GXYLT1: variants seen among roughly 807,000 people sequenced by gnomAD.
GXYLT1 encodes glucoside xylosyltransferase 1.
GXYLT1 carries 29 observed loss-of-function variants against 54.0 expected under a neutral mutation model. The ratio of observed to expected loss-of-function variants is 0.54; its 90% CI spans 0.40 to 0.73. The LOEUF (loss-of-function observed/expected upper bound fraction) is 0.73. GXYLT1 is among the 30% of genes least tolerant of loss of function. The pLI is 0.00. For synonymous variants in GXYLT1, 176 were observed against 204.1 expected, an observed-to-expected ratio of 0.86 and a Z score of 1.17; for missense variants, 490 against 553.4, an observed-to-expected ratio of 0.89 and a Z score of 1.15.
intron 1 of GXYLT1, among the ~76,000 whole-genome samples, chr12:42,140,058 G>A (rs2136922986): frequency 6.6e-6 from 1 of 151,832 alleles, no homozygotes. Context: ...GCAGGCACCT[G>A]TAGTCCCAGC....
At chr12:42,102,943 ATTT>A (rs1237519943) in intron 5 of GXYLT1, among the ~76,000 whole-genome samples, 1 of 151,850 alleles carries the variant, frequency 6.6e-6, no homozygotes, top group Non-Finnish European at 1.5e-5. Flanking sequence ...TTGAATTTAA[ATTT>A]TTTAATTTTT....
At position 42,106,552 on chromosome 12, in the gene GXYLT1, T is replaced by C. The variant is rs189339449; in HGVS notation, c.613-483A>G. ...TAGAGCCAAACTGGAACCCAGGCAATCCAGATTCAGAGTCCATACTCTTAT... is the reference window on the plus strand; with the variant it reads ...TAGAGCCAAACTGGAACCCAGGCAACCCAGATTCAGAGTCCATACTCTTAT... On this transcript the variant is annotated intron_variant, in intron 4 of 7. Coordinates refer to ENST00000398675, the MANE Select transcript of GXYLT1 (RefSeq NM_173601.2). 7.0e-4 allele frequency among the ~76,000 whole-genome samples: 106 copies of C among 152,116 alleles called. 1 individual carries two copies. The highest frequency in any genetic ancestry group is 3.4e-4 in the Non-Finnish European group (23 of 67,990).
At chr12:42,132,966 T>C (rs1420215500) in intron 1 of GXYLT1, among the ~76,000 whole-genome samples, 2 of 152,070 alleles carry the variant, frequency 1.3e-5, no homozygotes, top group African/African-American at 4.8e-5. Flanking sequence ...TTAAGGATGA[T>C]CACACATCTG....
intron 4 of GXYLT1, among the ~76,000 whole-genome samples, chr12:42,106,853 C>G (rs552808621): frequency 6.8e-6 from 1 of 147,494 alleles, no homozygotes; most frequent in South Asian, 2.1e-4. Context: ...TCTAGGCATT[C>G]TCCTGCCTCA....
intron 1 of GXYLT1, among the ~76,000 whole-genome samples, chr12:42,132,789 T>G (rs563996879): frequency 1.8e-4 from 27 of 152,238 alleles, no homozygotes; most frequent in African/African-American, 5.1e-4. Context: ...GTTTTGTTTT[T>G]TTTTTTAAGT....
rs570456429 is a variant in GXYLT1, at chr12:42,093,343, C to T, written c.1161+4099G>A. ...CTCGAACTCCTGACCTCAGGTGATCCGCCCGCCTCAGCCTCCCAAAGTGCT... is the reference window on the plus strand; with the variant it reads ...CTCGAACTCCTGACCTCAGGTGATCTGCCCGCCTCAGCCTCCCAAAGTGCT... On this transcript the variant is annotated intron_variant, in intron 7 of 7. Coordinates refer to ENST00000398675, the MANE Select transcript of GXYLT1 (RefSeq NM_173601.2). 9.9e-4 allele frequency among the ~76,000 whole-genome samples: 151 copies of T among 152,142 alleles called. 2 individuals are homozygous for T. The highest frequency in any genetic ancestry group is 3.5e-3 in the African/African-American group (145 of 41,524).
intron 4 of GXYLT1, among the ~76,000 whole-genome samples, chr12:42,106,370 G>C (rs1592108710): frequency 6.6e-6 from 1 of 152,220 alleles, no homozygotes; most frequent in Admixed American, 6.5e-5. Flanking sequence ...TTTCATAATG[G>C]ATAATAACAT....
chr12:42,106,597 G>A (rs1292673034), intron 4 of GXYLT1, among the ~76,000 whole-genome samples: 3 of 152,018 alleles, frequency 2.0e-5, no homozygotes, highest in African/African-American at 4.8e-5. Flanking sequence ...GTGTCCCAAC[G>A]AATCAAAGCA....
intron 7 of GXYLT1, among the ~76,000 whole-genome samples, chr12:42,095,095 A>G (rs1382391503): frequency 6.6e-6 from 1 of 152,234 alleles, no homozygotes; most frequent in Non-Finnish European, 1.5e-5. Flanking sequence ...AAACTACACT[A>G]AGATACCATT....
intron 1 of GXYLT1, among the ~76,000 whole-genome samples, chr12:42,139,915 C>T (rs1396849584): frequency 6.6e-6 from 1 of 152,098 alleles, no homozygotes; most frequent in Admixed American, 6.5e-5. Flanking sequence ...GGCACGGTGG[C>T]TAATGCCTGT....
At chr12:42,118,848 T>C in intron 3 of GXYLT1, 152 bp downstream of exon 3, 1 of 618,794 alleles carries the variant, frequency 1.6e-6, no homozygotes, top group Non-Finnish European at 2.6e-6. Context: ...CCAGCAATGC[T>C]GAACTGTGAG....
intron 1 of GXYLT1, among the ~76,000 whole-genome samples, chr12:42,142,871 C>G (rs2065659689): frequency 6.6e-6 from 1 of 152,002 alleles, no homozygotes; most frequent in South Asian, 2.1e-4. Flanking sequence ...ATAAATACAC[C>G]TATAGTTCTA....
At chr12:42,106,743 C>CTTTTTT (rs1231770611) in intron 4 of GXYLT1, among the ~76,000 whole-genome samples, 17 of 127,620 alleles carry the variant, frequency 1.3e-4, no homozygotes, top group East Asian at 2.2e-4. Flanking sequence ...TATTATTTTT[C>CTTTTTT]TTTTTTTTTT....
chr12:42,123,425 T>C (rs2065542910), intron 2 of GXYLT1, among the ~76,000 whole-genome samples: 2 of 152,258 alleles, frequency 1.3e-5, no homozygotes, highest in South Asian at 4.1e-4. Context: ...AAAAAATGTA[T>C]GGTATGCTTA....
intron 2 of GXYLT1, among the ~76,000 whole-genome samples, chr12:42,129,165 A>C (rs1256772538): frequency 1.3e-5 from 2 of 152,188 alleles, no homozygotes; most frequent in African/African-American, 4.8e-5. Context: ...TAGAGCAGGA[A>C]GGGACCTAAG....
chr12:42,089,856 T>C (rs73126000), intron 7 of GXYLT1, among the ~76,000 whole-genome samples: 1 of 152,278 alleles, frequency 6.6e-6, no homozygotes, highest in Non-Finnish European at 1.5e-5. Context: ...GAAGGTAAAC[T>C]TCACCAAGTG....
chr12:42,081,886 T>C lies in GXYLT1; in HGVS notation c.*5900A>G, dbSNP rs1592093524. On this transcript the variant is annotated 3_prime_UTR_variant, in exon 8 of 8. Transcript: ENST00000398675. ...GTTTATTGAGTAAATGTTTATTTAGTAACAGCAACACATAGTTTCTCAAGA... is the reference window on the plus strand; with the variant it reads ...GTTTATTGAGTAAATGTTTATTTAGCAACAGCAACACATAGTTTCTCAAGA... The C allele has an allele frequency of 6.6e-6, 1 of 152,268 alleles. No homozygotes were observed. Among genetic ancestry groups the C allele is most frequent in the Non-Finnish European group, 1.5e-5 (1 of 68,048 alleles). The allele number at this position is 152,268 out of a possible 1,614,324, so 9.4% of individuals were successfully genotyped here. A position where few individuals can be genotyped will look rare whatever the true frequency, so the allele number is the denominator to read the frequency against.
chr12:42,137,503 CAAAAAA>C (rs34628599), intron 1 of GXYLT1, among the ~76,000 whole-genome samples: 59 of 71,656 alleles, frequency 8.2e-4, no homozygotes, highest in African/African-American at 1.2e-3. Context: ...GCATCTGTTT[CAAAAAA>C]AAAAAAAAAA....
At chr12:42,089,905 T>G (rs958153261) in intron 7 of GXYLT1, among the ~76,000 whole-genome samples, 1 of 152,176 alleles carries the variant, frequency 6.6e-6, no homozygotes, top group African/African-American at 2.4e-5. Context: ...CAAAAAACAC[T>G]TGAACAACTG....
Sources: allele counts gnomAD v4.1 joint callset (sites outside exome capture counted in the v4.1 genomes callset), GRCh38; gene constraint gnomAD v4.1.1; transcripts MANE v1.5; gene names NCBI Gene and HGNC (gene_info 2026-07-23, HGNC 2026-07-21).